ABHD5: variants seen among roughly 807,000 people sequenced by gnomAD.
ABHD5 encodes the protein 1-acylglycerol-3-phosphate O-acyltransferase ABHD5.
ABHD5 carries 30 observed loss-of-function variants against 44.9 expected under a neutral mutation model. That is an observed-to-expected ratio of 0.67 (90% CI 0.50 to 0.91). ABHD5 has a LOEUF of 0.91. Ranked by LOEUF, ABHD5 falls within the 40% of genes least tolerant of loss-of-function variation. ABHD5 has a pLI of 0.00. For synonymous variants in ABHD5, 167 were observed against 147.0 expected, an observed-to-expected ratio of 1.14 and a Z score of -0.99; for missense variants, 399 against 423.4, an observed-to-expected ratio of 0.94 and a Z score of 0.50.
At chr3:43,706,350 G>A (rs1057124858) in intron 3 of ABHD5, among the ~76,000 whole-genome samples, 1 of 152,132 alleles carries the variant, frequency 6.6e-6, no homozygotes, top group African/African-American at 2.4e-5. Context: ...CGTGGGGGGA[G>A]CGGTAAGAGG....
At chr3:43,706,998 C>A (rs2084629056) in intron 3 of ABHD5, among the ~76,000 whole-genome samples, 1 of 152,106 alleles carries the variant, frequency 6.6e-6, no homozygotes, top group Non-Finnish European at 1.5e-5. Context: ...AATGAAAAGG[C>A]CTAGTTTAAT....
At chr3:43,714,291 C>T (rs563610184) in intron 4 of ABHD5, among the ~76,000 whole-genome samples, 51 of 152,072 alleles carry the variant, frequency 3.4e-4, no homozygotes, top group African/African-American at 1.2e-3. Context: ...CACGCCACCA[C>T]GCCCGGCTAA....
At chr3:43,703,428 C>T (rs1488719144) in intron 3 of ABHD5, among the ~76,000 whole-genome samples, 2 of 152,262 alleles carry the variant, frequency 1.3e-5, no homozygotes, top group Non-Finnish European at 2.9e-5. Context: ...ATCCACCCCC[C>T]TCGGCCTCCC....
At chr3:43,733,935 T>G (rs968384391) in exon 8 of ABHD5, 4 of 152,214 alleles carry the variant, frequency 2.6e-5, no homozygotes, top group Admixed American at 2.0e-4. Flanking sequence ...CTTGTCCCAG[T>G]GCCCCAACCA....
chr3:43,704,028 A>ATTTTC (rs2084582846), intron 3 of ABHD5, among the ~76,000 whole-genome samples: 2 of 105,698 alleles, frequency 1.9e-5, no homozygotes, highest in African/African-American at 7.1e-5. Context: ...TACTTTCTTT[A>ATTTTC]TTTTCTTTTT....
intron 3 of ABHD5, among the ~76,000 whole-genome samples, chr3:43,708,562 TC>T (rs1254310192): frequency 6.6e-6 from 1 of 152,208 alleles, no homozygotes; most frequent in Non-Finnish European, 1.5e-5. Flanking sequence ...CTTGTAGTCT[TC>T]CTATTCTTGC....
chr3:43,702,197 CTT>C lies in ABHD5; in HGVS notation c.134-15_134-14del. 3.8e-6 allele frequency: 6 copies of C among 1,570,084 alleles called. No homozygotes were observed. Among genetic ancestry groups the C allele is most frequent in the Non-Finnish European group, 5.2e-6 (6 of 1,155,504 alleles). The stretch of plus-strand genomic sequence containing the variant: ...AGTAATAAAATGAAACAGAATTTCT[CTT>C]TTATGTTTTCATTAGGTGTGCCTTG... On this transcript the variant is annotated splice_polypyrimidine_tract_variant and intron_variant, in intron 2 of 6. Transcript: ENST00000644371.
At chr3:43,706,173 A>AC (rs1448172909) in intron 3 of ABHD5, among the ~76,000 whole-genome samples, 1 of 152,200 alleles carries the variant, frequency 6.6e-6, no homozygotes, top group Non-Finnish European at 1.5e-5. Flanking sequence ...TCTTTGCAGC[A>AC]CACACACGTT....
At chr3:43,705,647 G>C (rs909853368) in intron 3 of ABHD5, among the ~76,000 whole-genome samples, 1 of 152,102 alleles carries the variant, frequency 6.6e-6, no homozygotes, top group South Asian at 2.1e-4. Flanking sequence ...TATAATATAG[G>C]AAGACTGGAA....
rs891862866 is a variant in ABHD5 at position 43,695,030 on chromosome 3, AC to A, written c.47+3998del. 7.0e-4 allele frequency: 104 copies of A among 149,406 alleles called. 1 individual carries two copies. Among genetic ancestry groups the A allele is most frequent in the Non-Finnish European group, 1.1e-3 (76 of 67,710 alleles). 9.3% of individuals were successfully genotyped at this position (149,406 alleles called of 1,614,324 possible). Reference sequence around the variant, plus strand: ...ACTTGCCCCCCAGCCCCTGTATTCCACCCCCCCAAGGTTGCTGGGACTATAG... The same window carrying A: ...ACTTGCCCCCCAGCCCCTGTATTCCACCCCCCAAGGTTGCTGGGACTATAG... On this transcript the variant is annotated intron_variant, in intron 1 of 6. Coordinates refer to ENST00000644371, the MANE Select transcript of ABHD5 (RefSeq NM_016006.6).
intron 7 of ABHD5, chr3:43,733,736 A>T (rs1173834921): frequency 6.6e-6 from 1 of 152,236 alleles, no homozygotes; most frequent in East Asian, 1.9e-4. Context: ...TATTTGGGGT[A>T]CATATTTTCA....
At chr3:43,715,865 G>A (rs1470464010) in intron 5 of ABHD5, among the ~76,000 whole-genome samples, 1 of 152,198 alleles carries the variant, frequency 6.6e-6, no homozygotes, top group African/African-American at 2.4e-5. Context: ...AATCTCCCAA[G>A]TGAATGGGAG....
rs1371826272 is a variant in ABHD5 at position 43,722,414 on chromosome 3, G to C, written c.*3882G>C. ...TATTTGCTTTTTTTGTAAAGCAATA[G>C]AAGAATTAGTTATACCAATAACTAA... On this transcript the variant is annotated 3_prime_UTR_variant, in exon 7 of 7. Coordinates refer to ENST00000644371, the MANE Select transcript of ABHD5 (RefSeq NM_016006.6). The C allele has an allele frequency of 6.6e-6, 1 of 152,172 alleles. No individual in the cohort carries two copies. The highest frequency in any genetic ancestry group is 1.5e-5 in the Non-Finnish European group (1 of 68,018). The allele number at this position is 152,172 out of a possible 1,614,324, so 9.4% of individuals were successfully genotyped here.
At chr3:43,702,709 A>G (rs1041841105) in intron 3 of ABHD5, 122 bp downstream of exon 3, 5 of 1,382,688 alleles carry the variant, frequency 3.6e-6, no homozygotes, top group African/African-American at 2.8e-5. Flanking sequence ...AAAGGACCCT[A>G]TAGACCACAC....
Position 43,711,830 on chromosome 3 carries a change from C to A in ABHD5, c.628C>A (p.Pro210Thr). 4 of 1,614,184 alleles carry A rather than the reference C, an allele frequency of 2.5e-6. No individual in the cohort carries two copies. Among genetic ancestry groups the A allele is most frequent in the African/African-American group, 1.3e-5 (1 of 75,046 alleles). ...GGGAGCAGCATTGACTCCCTTTAAC[C>A]CTTTAGCTGGCCTAAGGATTGCAGG... ...ALGAALTPFN[P>T]LAGLRIAGPF... Residue 210 changes from proline (P) to threonine (T), a missense_variant, in exon 4 of 7, where the codon CCT becomes ACT. Pro to Thr is a conservative substitution (Grantham distance 38). Transcript: ENST00000644371.
At chr3:43,725,952 G>A (rs908583804), downstream of ABHD5, among the ~76,000 whole-genome samples, 2 of 151,456 alleles carry the variant, frequency 1.3e-5, no homozygotes, top group African/African-American at 2.4e-5. Context: ...TGCAAGCTCC[G>A]CCTCCTGGGT....
chr3:43,691,958 A>G (rs1263171449), intron 1 of ABHD5, among the ~76,000 whole-genome samples: 2 of 152,210 alleles, frequency 1.3e-5, no homozygotes, highest in African/African-American at 2.4e-5. Flanking sequence ...TAGTGAGTTT[A>G]TTCTTTTCTA....
At chr3:43,713,622 A>C (rs2149603582) in intron 4 of ABHD5, among the ~76,000 whole-genome samples, 1 of 152,288 alleles carries the variant, frequency 6.6e-6, no homozygotes, top group South Asian at 2.1e-4. Context: ...GCAGTCTTTC[A>C]GCCCTCCCCA....
At position 43,718,462 on chromosome 3, in the gene ABHD5, A is replaced by G. The variant is rs1575607703; in HGVS notation, c.980A>G (p.His327Arg). 1 of 1,614,100 alleles carries G rather than the reference A, an allele frequency of 6.2e-7. No homozygotes were observed. The highest frequency in any genetic ancestry group is 8.5e-7 in the Non-Finnish European group (1 of 1,179,976). ...VKTIAILGAGHYVYADQPEEF... is the reference protein window; with the variant it reads ...VKTIAILGAGRYVYADQPEEF... Reference sequence around the variant, plus strand: ...ATCCAGGCTATTCTTGGGGCAGGACATTATGTATATGCAGATCAACCAGAA... The same window carrying G: ...ATCCAGGCTATTCTTGGGGCAGGACGTTATGTATATGCAGATCAACCAGAA... Residue 327 changes from histidine (H) to arginine (R), a missense_variant, in exon 7 of 7, where the codon CAT (histidine) becomes CGT (arginine). His to Arg is a conservative substitution (Grantham distance 29). Coordinates refer to ENST00000644371, the MANE Select transcript of ABHD5 (RefSeq NM_016006.6).
Sources: allele counts gnomAD v4.1 joint callset (sites outside exome capture counted in the v4.1 genomes callset), GRCh38; gene constraint gnomAD v4.1.1; transcripts MANE v1.5; gene names NCBI Gene and HGNC (gene_info 2026-07-23, HGNC 2026-07-21).